The following CDH1 variants were observed in gnomAD, a reference collection of about 807,000 sequenced individuals.
The protein encoded by CDH1 is cadherin-1.
A neutral mutation model predicts 84.5 loss-of-function variants in CDH1; 35 were observed. The observed-to-expected ratio is 0.41, with a 90% CI of 0.32 to 0.55. The LOEUF is 0.55. Among genes scored for constraint, CDH1 ranks in the 20% least tolerant of loss-of-function variants. The pLI, the probability that CDH1 is intolerant of heterozygous loss-of-function variation, is 0.19. For synonymous variants in CDH1, 417 were observed against 439.0 expected (o/e 0.95, Z 0.63); for missense variants, 994 against 1,126.6 (o/e 0.88, Z 1.68).
At chr16:68,763,624 C>T (rs1959287828) in intron 2 of CDH1, 1 of 152,184 alleles carries the variant, frequency 6.6e-6, no homozygotes, top group Admixed American at 6.5e-5. Flanking sequence ...GAGGGGTCTC[C>T]TTCCCTCGGC....
rs113202135 is a variant in CDH1, at chr16:68,833,960, CTT to C, written c.*474_*475del. 4,399 of 264,086 alleles carry C rather than the reference CTT, an allele frequency of 0.017. No homozygotes were observed. The highest frequency in any genetic ancestry group is 0.029 in the South Asian group (474 of 16,232). The allele number at this position is 264,086 out of a possible 1,614,324, so 16.4% of individuals were successfully genotyped here. Reference sequence around the variant, plus strand: ...TTACTACACTGGTGTGTCCCTCTGCCTTTTTTTTTTTTTTAAGACAGGGTCTC... The same window carrying C: ...TTACTACACTGGTGTGTCCCTCTGCCTTTTTTTTTTTTAAGACAGGGTCTC... On this transcript the variant is annotated 3_prime_UTR_variant, in exon 16 of 16. Coordinates refer to ENST00000261769, the MANE Select transcript of CDH1 (RefSeq NM_004360.5).
At chr16:68,795,127 T>C (rs913253610) in intron 2 of CDH1, among the ~76,000 whole-genome samples, 3 of 152,196 alleles carry the variant, frequency 2.0e-5, no homozygotes, top group Non-Finnish European at 2.9e-5. Context: ...ACCTGTAATG[T>C]TACTGATTTC....
intron 2 of CDH1, among the ~76,000 whole-genome samples, chr16:68,750,150 C>CTTTTGTTTTTTTTTTTTTTTT (rs1962850995): frequency 1.3e-5 from 1 of 79,096 alleles, no homozygotes; most frequent in Non-Finnish European, 2.6e-5. Flanking sequence ...TAGAATTCAG[C>CTTTTGTTTTTTTTTTTTTTTT]TTTTTTTTTT....
At position 68,834,675 on chromosome 16, in the gene CDH1, T is replaced by G. The variant is rs9282654; in HGVS notation, c.*1176T>G. 2,415 of 235,602 alleles carry G rather than the reference T, an allele frequency of 0.01. 56 individuals are homozygous for G. The highest frequency in any genetic ancestry group is 0.049 in the African/African-American group (2,237 of 45,356). The allele number at this position is 235,602 out of a possible 1,614,324, so 14.6% of individuals were successfully genotyped here. ...TATTGTCTACTCTGAAGACCTTTAA[T>G]GGCTTCCCTCTTTCATCTCCTGAGT... On this transcript the variant is annotated 3_prime_UTR_variant, in exon 16 of 16. Transcript: ENST00000261769.
At chr16:68,780,848 C>A (rs899028609) in intron 2 of CDH1, among the ~76,000 whole-genome samples, 19 of 152,186 alleles carry the variant, frequency 1.2e-4, no homozygotes, top group Middle Eastern at 3.2e-3. Context: ...TGAGGCCTCA[C>A]TGTAGAGAGC....
chr16:68,771,708 C>T (rs148437378), intron 2 of CDH1, among the ~76,000 whole-genome samples: 235 of 150,752 alleles, frequency 1.6e-3, no homozygotes, highest in Non-Finnish European at 2.6e-3. Context: ...GCCGAGATCG[C>T]ACCACTACAC....
chr16:68,793,453 G>T (rs567307001), intron 2 of CDH1, among the ~76,000 whole-genome samples: 1 of 152,302 alleles, frequency 6.6e-6, no homozygotes, highest in East Asian at 1.9e-4. Context: ...GATCCATTCA[G>T]CTAGCAGGCT....
Position 68,738,371 on chromosome 16 carries a change from GC to G in CDH1, c.127del (p.Arg43GlyfsTer13). 1.3e-6 allele frequency: 2 copies of G among 1,551,030 alleles called. No homozygotes were observed. Among genetic ancestry groups the G allele is most frequent in the Non-Finnish European group, 1.7e-6 (2 of 1,146,710 alleles). On this transcript the variant is annotated frameshift_variant, in exon 2 of 16. Transcript: ENST00000261769. LOFTEE classifies it high-confidence loss of function. ...FDAESYTFTV[P>X]RRHLERGRVL... ...ACGCCGAGAGCTACACGTTCACGGT[GC>G]CCCGGCGCCACCTGGAGAGAGGCCG...
intron 10 of CDH1, among the ~76,000 whole-genome samples, chr16:68,816,690 A>G (rs1960994599): frequency 1.3e-5 from 2 of 152,234 alleles, no homozygotes; most frequent in Admixed American, 1.3e-4. Context: ...CTGAGGTTGC[A>G]GTGAGCTGAG....
rs775290153 is a variant in CDH1 at position 68,815,697 on chromosome 16, G to A, written c.1503G>A (p.Val501=). 3 of 1,614,076 alleles carry A rather than the reference G, an allele frequency of 1.9e-6. No homozygotes were observed. In the Admixed American group the frequency reaches 5.0e-5, roughly 27 times the overall value. Residue 501 remains valine, a synonymous_variant, in exon 10 of 16, where the codon GTG becomes GTA. Transcript: ENST00000261769. ...KRVEVSEDFG[V]GQEITSYTAQ... ...TGGAAGTGTCCGAGGACTTTGGCGT[G>A]GGCCAGGAAATCACATCCTACACTG... is the stretch of plus-strand genomic sequence containing the variant.
rs2152126575 is a variant in CDH1 at position 68,801,658 on chromosome 16, T to C, written c.164-12T>C. 1.2e-6 allele frequency: 2 copies of C among 1,605,526 alleles called. No individual in the cohort carries two copies. Among genetic ancestry groups the C allele is most frequent in the Non-Finnish European group, 1.7e-6 (2 of 1,172,130 alleles). ...GTCCAATTTCCTAATCTCTGTGATT[T>C]CTGCCCTGCAGTGAATTTTGAAGAT... is the stretch of plus-strand genomic sequence containing the variant. On this transcript the variant is annotated splice_polypyrimidine_tract_variant and intron_variant, in intron 2 of 15. Transcript: ENST00000261769.
intron 9 of CDH1, 70 bp downstream of exon 9, chr16:68,813,565 A>C (rs1161876032): frequency 6.8e-7 from 1 of 1,465,634 alleles, no homozygotes; most frequent in Non-Finnish European, 9.6e-7. Flanking sequence ...GTCCCCTGGT[A>C]TCTTCTTAGA....
At position 68,812,279 on chromosome 16, in the gene CDH1, C is replaced by T. The variant is rs2152132741; in HGVS notation, c.1137+16C>T. Reference sequence around the variant, plus strand: ...TCCCACCACGGTAATTCTATAACTCCTTAGAGGGTTTCCAAAGAAAGGTCT... The same window carrying T: ...TCCCACCACGGTAATTCTATAACTCTTTAGAGGGTTTCCAAAGAAAGGTCT... On this transcript the variant is annotated intron_variant, in intron 8 of 15. Coordinates refer to ENST00000261769, the MANE Select transcript of CDH1 (RefSeq NM_004360.5). 1 of 1,613,726 alleles carries T rather than the reference C, an allele frequency of 6.2e-7. No individual in the cohort carries two copies. The highest frequency in any genetic ancestry group is 8.5e-7 in the Non-Finnish European group (1 of 1,179,722).
chr16:68,800,033 TAAAAAAAA>T (rs34387170), intron 2 of CDH1, among the ~76,000 whole-genome samples: 10 of 129,384 alleles, frequency 7.7e-5, no homozygotes, highest in African/African-American at 2.6e-4. Context: ...TAATAATAAT[TAAAAAAAA>T]AAAAAAAACC....
At chr16:68,818,954 C>G (rs1961062231) in intron 10 of CDH1, among the ~76,000 whole-genome samples, 1 of 151,824 alleles carries the variant, frequency 6.6e-6, no homozygotes, top group African/African-American at 2.4e-5. Context: ...CTCCCAGGTT[C>G]AAACGATTCT....
At chr16:68,792,691 C>A (rs1256983850) in intron 2 of CDH1, among the ~76,000 whole-genome samples, 1 of 152,184 alleles carries the variant, frequency 6.6e-6, no homozygotes, top group African/African-American at 2.4e-5. Context: ...GACCAAGTCG[C>A]TTGAGTAATC....
intron 2 of CDH1, among the ~76,000 whole-genome samples, chr16:68,786,815 A>G (rs9928796): frequency 0.29 from 43,479 of 152,036 alleles, 6,342 homozygotes; most frequent in Middle Eastern, 0.34. Context: ...ATCTGCAAGC[A>G]CATGTGACCT....
chr16:68,800,207 G>A (rs1037436825), intron 2 of CDH1, among the ~76,000 whole-genome samples: 1 of 151,358 alleles, frequency 6.6e-6, no homozygotes, highest in Non-Finnish European at 1.5e-5. Flanking sequence ...AAAAAACCAA[G>A]GCCTTAATAG....
intron 2 of CDH1, among the ~76,000 whole-genome samples, chr16:68,784,687 G>T (rs1307953766): frequency 6.6e-6 from 1 of 151,898 alleles, no homozygotes; most frequent in African/African-American, 2.4e-5. Context: ...AAAGTCCATT[G>T]TATCTTTTTA....
Sources: allele counts gnomAD v4.1 joint callset (sites outside exome capture counted in the v4.1 genomes callset), GRCh38; gene constraint gnomAD v4.1.1; transcripts MANE v1.5; gene names NCBI Gene and HGNC (gene_info 2026-07-23, HGNC 2026-07-21).